MAPT: variants seen among roughly 807,000 people sequenced by gnomAD.
MAPT encodes microtubule-associated protein tau.
In MAPT, 34 loss-of-function variants were observed where a neutral mutation model predicts 67.9. That is an observed-to-expected ratio of 0.50 (90% CI 0.38 to 0.67). MAPT has a LOEUF of 0.67. Among genes scored for constraint, MAPT ranks in the 30% least tolerant of loss-of-function variants. MAPT has a pLI of 0.00. For synonymous variants in MAPT, 456 were observed against 464.5 expected (o/e 0.98, Z 0.23); for missense variants, 881 against 1,115.2 (o/e 0.79, Z 2.99).
intron 12 of MAPT, among the ~76,000 whole-genome samples, chr17:46,021,205 G>C (rs898607283): frequency 6.6e-6 from 1 of 152,228 alleles, no homozygotes; most frequent in Non-Finnish European, 1.5e-5. Context: ...AGGCAGGGGA[G>C]GGCACTGGCC....
intron 1 of MAPT, among the ~76,000 whole-genome samples, chr17:45,913,223 A>G (rs2064926242): frequency 6.6e-6 from 1 of 152,224 alleles, no homozygotes; most frequent in Admixed American, 6.5e-5. Flanking sequence ...CACATCTTAC[A>G]TGGATGGCAG....
chr17:45,899,486 A>G (rs990616227), intron 1 of MAPT, among the ~76,000 whole-genome samples: 2 of 152,200 alleles, frequency 1.3e-5, no homozygotes, highest in African/African-American at 2.4e-5. Context: ...TGATGGGGAA[A>G]CTGAAGCACA....
intron 1 of MAPT, among the ~76,000 whole-genome samples, chr17:45,926,909 ATGTG>A (rs982696661): frequency 2.0e-5 from 3 of 150,736 alleles, no homozygotes; most frequent in Non-Finnish European, 4.4e-5. Context: ...GTGTGTATGT[ATGTG>A]TGTATATATA....
chr17:45,969,300 G>T (rs2071398137), intron 2 of MAPT: 1 of 152,314 alleles, frequency 6.6e-6, no homozygotes. Context: ...TGACTAAGAG[G>T]TACTGGCAAA....
intron 1 of MAPT, among the ~76,000 whole-genome samples, chr17:45,908,829 C>G (rs1415015595): frequency 6.6e-6 from 1 of 152,196 alleles, no homozygotes; most frequent in Non-Finnish European, 1.5e-5. Flanking sequence ...CCACCAGCTA[C>G]AAAGTGAAGA....
intron 1 of MAPT, among the ~76,000 whole-genome samples, chr17:45,937,954 G>A (rs926742356): frequency 6.6e-6 from 1 of 152,184 alleles, no homozygotes; most frequent in Non-Finnish European, 1.5e-5. Context: ...GCAGGCTTGG[G>A]GGACCAAGGG....
At chr17:45,903,743 G>C (rs2063783019) in intron 1 of MAPT, among the ~76,000 whole-genome samples, 1 of 70,718 alleles carries the variant, frequency 1.4e-5, no homozygotes, top group African/African-American at 4.8e-5. Flanking sequence ...GAATCTCTTT[G>C]GTTTTATATA....
chr17:45,953,112 G>C (rs1395726411), intron 1 of MAPT, among the ~76,000 whole-genome samples: 1 of 152,174 alleles, frequency 6.6e-6, no homozygotes, highest in East Asian at 1.9e-4. Flanking sequence ...CCCCTTCTCT[G>C]GCAGGTGCTG....
intron 9 of MAPT, among the ~76,000 whole-genome samples, chr17:46,003,995 T>C (rs1411863145): frequency 1.3e-5 from 2 of 152,256 alleles, no homozygotes; most frequent in Non-Finnish European, 2.9e-5. Context: ...GGTTTTCCTG[T>C]GTCAGTTCCT....
intron 1 of MAPT, among the ~76,000 whole-genome samples, chr17:45,925,699 T>G (rs952506615): frequency 2.6e-5 from 4 of 152,198 alleles, no homozygotes; most frequent in African/African-American, 9.7e-5. Flanking sequence ...AAAACACTTC[T>G]GACATAAAAG....
chr17:45,912,410 T>C (rs185905773), intron 1 of MAPT, among the ~76,000 whole-genome samples: 44 of 152,224 alleles, frequency 2.9e-4, no homozygotes, highest in African/African-American at 1.1e-3. Context: ...CTCATCCTTG[T>C]AAGAGGAAGG....
At chr17:46,011,167 C>T (rs563971582) in intron 10 of MAPT, among the ~76,000 whole-genome samples, 76 of 152,028 alleles carry the variant, frequency 5.0e-4, no homozygotes, top group Non-Finnish European at 9.8e-4. Flanking sequence ...GAGACTAAGG[C>T]GGGAGGTTCG....
intron 8 of MAPT, 85 bp downstream of exon 8, chr17:45,991,671 A>C: frequency 6.3e-7 from 1 of 1,591,202 alleles, no homozygotes; most frequent in Non-Finnish European, 8.6e-7. Flanking sequence ...TAGGCCACTG[A>C]GAATGAATAA....
chr17:45,914,387 G>C (rs925195975), intron 1 of MAPT, among the ~76,000 whole-genome samples: 1 of 152,230 alleles, frequency 6.6e-6, no homozygotes, highest in Non-Finnish European at 1.5e-5. Context: ...CTGTTATGTA[G>C]AAGTCTGGAA....
chr17:45,970,870 A>G (rs2071592497), intron 2 of MAPT, among the ~76,000 whole-genome samples: 1 of 152,160 alleles, frequency 6.6e-6, no homozygotes, highest in South Asian at 2.1e-4. Flanking sequence ...CTGTGTGGCC[A>G]TCCTTCCTCC....
At position 46,010,996 on chromosome 17, in the gene MAPT, C is replaced by T. The variant is rs2075785457; in HGVS notation, c.2091+594C>T. Among the ~76,000 whole-genome samples, 1 of 152,236 alleles carries T rather than the reference C, an allele frequency of 6.6e-6. No individual in the cohort carries two copies. The highest frequency in any genetic ancestry group is 2.4e-5 in the African/African-American group (1 of 41,468). ...TCCAGCTTATGCTTAGCCTGCGCCACCCTCTGGCAGAGACTCCAGATGCAA... is the reference window on the plus strand; with the variant it reads ...TCCAGCTTATGCTTAGCCTGCGCCATCCTCTGGCAGAGACTCCAGATGCAA... On this transcript the variant is annotated intron_variant, in intron 10 of 12. Coordinates refer to ENST00000262410, the MANE Select transcript of MAPT (RefSeq NM_001377265.1). The surrounding 1 kb of genome is among the most constrained non-coding windows in gnomAD (Gnocchi z 4.7).
chr17:45,904,400 C>CTA, intron 1 of MAPT, among the ~76,000 whole-genome samples: 1 of 78,024 alleles, frequency 1.3e-5, no homozygotes, highest in East Asian at 5.3e-4. Flanking sequence ...TATATATACA[C>CTA]ATATATATAT....
At chr17:45,913,109 C>T (rs1414613731) in intron 1 of MAPT, among the ~76,000 whole-genome samples, 1 of 152,198 alleles carries the variant, frequency 6.6e-6, no homozygotes, top group African/African-American at 2.4e-5. Context: ...TAAAGACATA[C>T]CCGAGACTGG....
intron 1 of MAPT, among the ~76,000 whole-genome samples, chr17:45,921,761 A>T (rs545735374): frequency 3.7e-4 from 57 of 152,288 alleles, no homozygotes; most frequent in African/African-American, 1.3e-3. Flanking sequence ...TTTAAACTCT[A>T]TCTGGAGGAA....
Sources: gnomAD v4.1 joint callset for allele counts (sites outside exome capture counted in the v4.1 genomes callset) on GRCh38, gnomAD v4.1.1 for gene constraint, Gnocchi (gnomAD v3.1) non-coding constraint, MANE v1.5 for transcripts, NCBI Gene and HGNC (gene_info 2026-07-23, HGNC 2026-07-21) for gene names.